The following LHFPL3 variants were observed in gnomAD, a reference collection of about 807,000 sequenced individuals.
LHFPL3 encodes the protein LHFPL tetraspan subfamily member 3 protein.
LHFPL3 carries 5 observed loss-of-function variants against 19.3 expected under a neutral mutation model. That is an observed-to-expected ratio of 0.26 (90% CI 0.14 to 0.54). The LOEUF is 0.54. Among genes scored for constraint, LHFPL3 ranks in the 20% least tolerant of loss-of-function variants. The pLI is 0.94. For synonymous variants in LHFPL3, 133 were observed against 126.2 expected (o/e 1.05, Z -0.36); for missense variants, 249 against 307.4 (o/e 0.81, Z 1.42).
chr7:104,801,310 C>T (rs1366645475), intron 2 of LHFPL3, among the ~76,000 whole-genome samples: 1 of 152,094 alleles, frequency 6.6e-6, no homozygotes, highest in East Asian at 1.9e-4. Context: ...CCAGGGCTCT[C>T]ACAATAGGAC....
chr7:104,580,550 C>G (rs1454282967), intron 1 of LHFPL3, among the ~76,000 whole-genome samples: 1 of 152,022 alleles, frequency 6.6e-6, no homozygotes, highest in African/African-American at 2.4e-5. Flanking sequence ...CATATAATTA[C>G]CTAGAGTTCA....
intron 1 of LHFPL3, among the ~76,000 whole-genome samples, chr7:104,469,772 A>G (rs1028968277): frequency 6.6e-6 from 1 of 152,150 alleles, no homozygotes; most frequent in Non-Finnish European, 1.5e-5. Flanking sequence ...TATCAGAGAA[A>G]CTTGAATCCA....
At chr7:104,487,673 A>C (rs1793263704) in intron 1 of LHFPL3, among the ~76,000 whole-genome samples, 2 of 152,238 alleles carry the variant, frequency 1.3e-5, no homozygotes, top group African/African-American at 2.4e-5. Context: ...GCATGGAACA[A>C]AATGAAACTA....
intron 1 of LHFPL3, among the ~76,000 whole-genome samples, chr7:104,700,392 C>T (rs183583972): frequency 6.6e-6 from 1 of 152,290 alleles, no homozygotes; most frequent in Non-Finnish European, 1.5e-5. Context: ...CAGTCAAGGT[C>T]GTCACTCTTC....
chr7:104,596,595 A>T (rs1173064476), intron 1 of LHFPL3, among the ~76,000 whole-genome samples: 1 of 152,242 alleles, frequency 6.6e-6, no homozygotes, highest in Non-Finnish European at 1.5e-5. Flanking sequence ...TGTGTGTTTC[A>T]AGATGTGTTA....
intron 2 of LHFPL3, among the ~76,000 whole-genome samples, chr7:104,863,335 G>C (rs1405129323): frequency 6.6e-6 from 1 of 152,166 alleles, no homozygotes; most frequent in Non-Finnish European, 1.5e-5. Context: ...GGACTCTCCT[G>C]TATCCATTTT....
rs575984121 is a variant in LHFPL3 at position 104,748,983 on chromosome 7, G to T, written c.682+12072G>T. Among the ~76,000 whole-genome samples the T allele has an allele frequency of 7.1e-4, 108 of 152,276 alleles. 1 individual carries two copies. Among genetic ancestry groups the T allele is most frequent in the African/African-American group, 2.4e-3 (100 of 41,552 alleles). ...AATTTAATTTCTTTTGTTGCCTCTG[G>T]GGTTAACATTCTTTTACTATTTAAG... On this transcript the variant is annotated intron_variant, in intron 2 of 2. Transcript: ENST00000424859.
intron 1 of LHFPL3, among the ~76,000 whole-genome samples, chr7:104,500,183 G>A (rs1362646170): frequency 2.6e-5 from 4 of 152,144 alleles, no homozygotes; most frequent in Admixed American, 6.5e-5. Flanking sequence ...TAATAGTGAC[G>A]TCATTCTTCT....
At chr7:104,823,530 T>G (rs562501006) in intron 2 of LHFPL3, among the ~76,000 whole-genome samples, 4 of 152,226 alleles carry the variant, frequency 2.6e-5, no homozygotes, top group East Asian at 3.8e-4. Context: ...CTATGACGTA[T>G]TTCCTCTCAG....
intron 2 of LHFPL3, among the ~76,000 whole-genome samples, chr7:104,903,574 C>T (rs1034175487): frequency 1.3e-5 from 2 of 151,484 alleles, no homozygotes; most frequent in Non-Finnish European, 2.9e-5. Flanking sequence ...AAGTGGTTCT[C>T]CTGCCTCAGC....
chr7:104,458,977 C>G (rs1179786766), intron 1 of LHFPL3, among the ~76,000 whole-genome samples: 2 of 152,210 alleles, frequency 1.3e-5, no homozygotes, highest in East Asian at 3.9e-4. Flanking sequence ...GATCTTGGCA[C>G]CTAAGCTTTC....
intron 1 of LHFPL3, among the ~76,000 whole-genome samples, chr7:104,661,121 T>C (rs148588396): frequency 6.8e-4 from 103 of 152,284 alleles, no homozygotes; most frequent in African/African-American, 2.4e-3. Context: ...GCAGTGATGG[T>C]CCATGACATC....
intron 1 of LHFPL3, among the ~76,000 whole-genome samples, chr7:104,371,191 C>T (rs17137079): frequency 0.072 from 10,953 of 152,124 alleles, 425 homozygotes; most frequent in Middle Eastern, 0.092. Context: ...GTTTCCAAGC[C>T]GTGGTTGCTC....
intron 2 of LHFPL3, among the ~76,000 whole-genome samples, chr7:104,891,165 T>A (rs1792235180): frequency 6.6e-6 from 1 of 151,770 alleles, no homozygotes; most frequent in Admixed American, 6.6e-5. Flanking sequence ...TGTGTTGCTA[T>A]AACAGAATAC....
intron 2 of LHFPL3, among the ~76,000 whole-genome samples, chr7:104,883,413 A>G (rs1354468673): frequency 1.3e-5 from 2 of 152,206 alleles, no homozygotes; most frequent in East Asian, 3.8e-4. Context: ...TGAGTGCATG[A>G]TGAATTGTAT....
intron 1 of LHFPL3, among the ~76,000 whole-genome samples, chr7:104,692,064 G>A (rs1792915258): frequency 6.6e-6 from 1 of 152,146 alleles, no homozygotes; most frequent in Non-Finnish European, 1.5e-5. Context: ...AGAGATCTGT[G>A]GAACTTTAAA....
chr7:104,485,867 A>C (rs960791571), intron 1 of LHFPL3, among the ~76,000 whole-genome samples: 3 of 152,262 alleles, frequency 2.0e-5, no homozygotes, highest in Non-Finnish European at 2.9e-5. Context: ...GAGTGAGAAC[A>C]TGAGGTGTTT....
intron 2 of LHFPL3, among the ~76,000 whole-genome samples, chr7:104,775,236 G>A (rs4236576): frequency 0.81 from 122,792 of 151,632 alleles, 49,857 homozygotes; most frequent in East Asian, 0.88. Context: ...TACTAAAAAT[G>A]CAAACAAAAA....
Position 104,907,083 on chromosome 7 carries a change from C to A in LHFPL3, c.*868C>A, listed in dbSNP as rs1792635164. The stretch of plus-strand genomic sequence containing the variant: ...ATTATAGGCTACTATCAAATAAACA[C>A]TTTTTTTCTAATTCTCCCTAGTATA... On this transcript the variant is annotated 3_prime_UTR_variant, in exon 3 of 3. Transcript: ENST00000424859. 6.6e-6 allele frequency: 1 copy of A among 152,500 alleles called. No individual in the cohort carries two copies. The highest frequency in any genetic ancestry group is 1.5e-5 in the Non-Finnish European group (1 of 67,992). The allele number at this position is 152,500 out of a possible 1,614,324, so 9.4% of individuals were successfully genotyped here. A position where few individuals can be genotyped will look rare whatever the true frequency, so the allele number is the denominator to read the frequency against.
Sources: gnomAD v4.1 joint callset for allele counts (sites outside exome capture counted in the v4.1 genomes callset) on GRCh38, gnomAD v4.1.1 for gene constraint, MANE v1.5 for transcripts, NCBI Gene and HGNC (gene_info 2026-07-23, HGNC 2026-07-21) for gene names.